The following TOM1L1 variants were observed in gnomAD, a reference collection of about 807,000 sequenced individuals.
TOM1L1 encodes TOM1-like protein 1.
In TOM1L1, 64 loss-of-function variants were observed where a neutral mutation model predicts 63.4. The ratio of observed to expected loss-of-function variants is 1.01; its 90% CI spans 0.83 to 1.24. TOM1L1 has a LOEUF of 1.24. TOM1L1 is among the 50% of genes most tolerant of loss of function. TOM1L1 has a pLI of 0.00. For missense variants in TOM1L1, 536 were observed against 567.0 expected, an observed-to-expected ratio of 0.95 and a Z score of 0.55; for synonymous variants, 166 against 194.4, an observed-to-expected ratio of 0.85 and a Z score of 1.22.
At chr17:54,936,779 A>G (rs2048954592) in intron 9 of TOM1L1, 70 bp downstream of exon 9, 1 of 1,361,658 alleles carries the variant, frequency 7.3e-7, no homozygotes, top group South Asian at 1.3e-5. Context: ...AGCAAGGCTT[A>G]CCTAAAACAA....
At chr17:54,910,441 G>A (rs998594014) in intron 3 of TOM1L1, among the ~76,000 whole-genome samples, 3 of 152,160 alleles carry the variant, frequency 2.0e-5, no homozygotes, top group African/African-American at 7.2e-5. Flanking sequence ...AGGTGACAGA[G>A]TGAGACCCTG....
At chr17:54,915,355 T>C (rs1158337620) in intron 6 of TOM1L1, among the ~76,000 whole-genome samples, 1 of 152,176 alleles carries the variant, frequency 6.6e-6, no homozygotes, top group Non-Finnish European at 1.5e-5. Context: ...TGGATAACCC[T>C]CATTTGTTTT....
chr17:54,908,418 TATG>T (rs886088375), intron 3 of TOM1L1, among the ~76,000 whole-genome samples: 5 of 152,212 alleles, frequency 3.3e-5, no homozygotes, highest in Non-Finnish European at 7.3e-5. Context: ...CAAATTTAAT[TATG>T]AGGGAAATTA....
At chr17:54,914,861 G>C (rs898638285) in intron 6 of TOM1L1, 118 bp downstream of exon 6, 3 of 806,286 alleles carry the variant, frequency 3.7e-6, no homozygotes, top group Middle Eastern at 2.3e-4. Context: ...ATTTCACAGA[G>C]GAAGAGACTG....
intron 7 of TOM1L1, among the ~76,000 whole-genome samples, chr17:54,927,218 G>A (rs2048783403): frequency 6.6e-6 from 1 of 152,184 alleles, no homozygotes; most frequent in African/African-American, 2.4e-5. Flanking sequence ...GCGCTTTGGG[G>A]AATACTGGGA....
At chr17:54,950,017 GT>G (rs1205067283) in intron 13 of TOM1L1, 27 bp from the exon 14 acceptor site, 14 of 1,582,250 alleles carry the variant, frequency 8.8e-6, no homozygotes, top group Non-Finnish European at 1.2e-5. Context: ...AGCACAATAT[GT>G]TTACTGGTCT....
At chr17:54,904,632 G>A (rs1424875341) in intron 2 of TOM1L1, among the ~76,000 whole-genome samples, 1 of 152,120 alleles carries the variant, frequency 6.6e-6, no homozygotes, top group Non-Finnish European at 1.5e-5. Context: ...TATAGCATGT[G>A]CTATCGTTTG....
rs1361960759 is a variant in TOM1L1, at chr17:54,937,121, C to G, written c.928C>G (p.Pro310Ala). 2 of 1,610,804 alleles carry G rather than the reference C, an allele frequency of 1.2e-6. No homozygotes were observed. Among genetic ancestry groups the G allele is most frequent in the African/African-American group, 2.7e-5 (2 of 74,468 alleles). Residue 310 changes from proline to alanine, a missense_variant, in exon 10 of 16, where the codon CCT becomes GCT. Pro to Ala is a conservative substitution (Grantham distance 27). Coordinates refer to ENST00000575882, the MANE Select transcript of TOM1L1 (RefSeq NM_005486.3). Reference sequence around the variant, plus strand: ...GCTTTGTTTTCAGACTACCAGTGAGCCTTCTGCCCCATCTCAAGATCTCCT... The same window carrying G: ...GCTTTGTTTTCAGACTACCAGTGAGGCTTCTGCCCCATCTCAAGATCTCCT... ...QKEATNTTSE[P>A]SAPSQDLLDL...
At position 54,961,529 on chromosome 17, in the gene TOM1L1, C is replaced by T. The variant is rs2077124805; in HGVS notation, c.*296C>T. ...CCAATTTAACTGCAGTGTCATGTTT[C>T]ACAGGCCTTCCTACATTTAGAAATC... On this transcript the variant is annotated 3_prime_UTR_variant, in exon 16 of 16. Coordinates refer to ENST00000575882, the MANE Select transcript of TOM1L1 (RefSeq NM_005486.3). The T allele has an allele frequency of 7.2e-7, 1 of 1,393,182 alleles. No individual in the cohort carries two copies. Among genetic ancestry groups the T allele is most frequent in the South Asian group, 1.6e-5 (1 of 61,190 alleles). The allele number at this position is 1,393,182 out of a possible 1,614,324, so 86.3% of individuals were successfully genotyped here.
At position 54,914,694 on chromosome 17, in the gene TOM1L1, C is replaced by T; in HGVS notation, c.554C>T (p.Ser185Phe). 3 of 1,614,032 alleles carry T rather than the reference C, an allele frequency of 1.9e-6. No individual in the cohort carries two copies. Among genetic ancestry groups the T allele is most frequent in the Non-Finnish European group, 2.5e-6 (3 of 1,179,934 alleles). ...PTSVPTAPAL[S>F]SVIAPKNSTV... is the part of the protein sequence containing the mutation. ...TCTGTCCCTACTGCACCAGCTCTTT[C>T]TTCTGTAATTGCTCCAAAGAACTCG... Residue 185 changes from serine (S) to phenylalanine (F), a missense_variant, in exon 6 of 16, where the codon TCT becomes TTT. Ser to Phe is a radical substitution (Grantham distance 155, BLOSUM62 -2). Transcript: ENST00000575882.
chr17:54,905,440 G>C (rs1238788859), intron 2 of TOM1L1, 49 bp from the exon 3 acceptor site: 1 of 1,289,964 alleles, frequency 7.8e-7, no homozygotes. Flanking sequence ...GAGACTGCTT[G>C]TTTTCAGCAA....
Position 54,938,916 on chromosome 17 carries a change from T to C in TOM1L1, c.1034-8T>C. On this transcript the variant is annotated splice_polypyrimidine_tract_variant and splice_region_variant and intron_variant, in intron 10 of 15. Coordinates refer to ENST00000575882, the MANE Select transcript of TOM1L1 (RefSeq NM_005486.3). ...TTTAAAGCCAAACAAGTCCATTTTG[T>C]GTTTTAGATTTCAGCCTTCCAAGTT... The C allele has an allele frequency of 6.3e-7, 1 of 1,588,878 alleles. No homozygotes were observed. The highest frequency in any genetic ancestry group is 8.6e-7 in the Non-Finnish European group (1 of 1,160,548).
chr17:54,959,616 AT>A (rs71361745), intron 14 of TOM1L1: 37,878 of 138,416 alleles, frequency 0.27, 4,748 homozygotes, highest in African/African-American at 0.33. Flanking sequence ...TGGAAGATTA[AT>A]TTTTTTTTTT....
Position 54,961,489 on chromosome 17 carries a change from T to TA in TOM1L1, c.*257dup, listed in dbSNP as rs2077123993. ...AAACTTCAGCAGAAGAAAAATTACT[T>TA]AGTCCTTAGGCCAACCAATTTAACT... On this transcript the variant is annotated 3_prime_UTR_variant, in exon 16 of 16. Transcript: ENST00000575882. 2 of 1,437,458 alleles carry TA rather than the reference T, an allele frequency of 1.4e-6. No individual in the cohort carries two copies. The highest frequency in any genetic ancestry group is 2.9e-5 in the African/African-American group (2 of 69,776). 89.0% of individuals were successfully genotyped at this position (1,437,458 alleles called of 1,614,324 possible). A position where few individuals can be genotyped will look rare whatever the true frequency, so the allele number is the denominator to read the frequency against.
At chr17:54,918,018 T>C (rs2048620329) in intron 7 of TOM1L1, among the ~76,000 whole-genome samples, 1 of 152,232 alleles carries the variant, frequency 6.6e-6, no homozygotes, top group Non-Finnish European at 1.5e-5. Flanking sequence ...AGGGGTTGTC[T>C]TTCCTGGTTA....
At chr17:54,954,447 G>A (rs1383209873) in intron 14 of TOM1L1, 1 of 152,252 alleles carries the variant, frequency 6.6e-6, no homozygotes, top group Non-Finnish European at 1.5e-5. Flanking sequence ...CACTATGAGT[G>A]GTGCTCCCTG....
intron 1 of TOM1L1, chr17:54,901,181 G>A (rs1354490093): frequency 1.8e-6 from 1 of 560,480 alleles, no homozygotes; most frequent in Admixed American, 3.0e-5. Context: ...GAACCAAACA[G>A]GTGAACCGCG....
At chr17:54,929,103 A>T (rs2048814438) in intron 7 of TOM1L1, among the ~76,000 whole-genome samples, 1 of 152,328 alleles carries the variant, frequency 6.6e-6, no homozygotes, top group South Asian at 2.1e-4. Flanking sequence ...GAGAAGCAGC[A>T]TCCCTGTGTT....
At chr17:54,943,731 C>A (rs1162360789) in intron 11 of TOM1L1, among the ~76,000 whole-genome samples, 3 of 152,038 alleles carry the variant, frequency 2.0e-5, no homozygotes, top group Non-Finnish European at 4.4e-5. Flanking sequence ...GTAATCCCAG[C>A]ATTTTGGGAG....
Sources: gnomAD v4.1 joint callset for allele counts (sites outside exome capture counted in the v4.1 genomes callset) on GRCh38, gnomAD v4.1.1 for gene constraint, MANE v1.5 for transcripts, NCBI Gene and HGNC (gene_info 2026-07-23, HGNC 2026-07-21) for gene names.